CDH4: variants seen among roughly 807,000 people sequenced by gnomAD.
CDH4 encodes the protein cadherin-4.
In CDH4, 33 loss-of-function variants were observed where a neutral mutation model predicts 86.0. The ratio of observed to expected loss-of-function variants is 0.38; its 90% CI spans 0.29 to 0.51. The LOEUF (loss-of-function observed/expected upper bound fraction) is 0.51. CDH4 is among the 20% of genes least tolerant of loss of function. The probability of loss-of-function intolerance (pLI) is 0.86; values close to 1 mark genes in which losing one functional copy is unlikely to be tolerated. For synonymous variants in CDH4, 555 were observed against 549.4 expected, an observed-to-expected ratio of 1.01 and a Z score of -0.14; for missense variants, 1,114 against 1,307.4, an observed-to-expected ratio of 0.85 and a Z score of 2.28.
chr20:61,394,425 C>T (rs2085004110), intron 2 of CDH4, among the ~76,000 whole-genome samples: 1 of 152,186 alleles, frequency 6.6e-6, no homozygotes, highest in Non-Finnish European at 1.5e-5. Flanking sequence ...TCGGTTGTTC[C>T]CATCTTCCTG....
chr20:61,602,767 C>T (rs1020801933), intron 2 of CDH4, among the ~76,000 whole-genome samples: 25 of 151,280 alleles, frequency 1.7e-4, no homozygotes, highest in Admixed American at 7.2e-4. Flanking sequence ...CAGGCCAGCA[C>T]CAACATCATG....
At chr20:61,680,379 G>C (rs546621974) in intron 2 of CDH4, among the ~76,000 whole-genome samples, 37 of 152,288 alleles carry the variant, frequency 2.4e-4, no homozygotes, top group African/African-American at 8.2e-4. Context: ...GGTGGCTCCT[G>C]CCTCCGTGAC....
In CDH4 at chr20:61,582,151, C is replaced by T. The variant is rs916106061; in HGVS notation, c.170-161412C>T. ...ATGCTGCCCATGCCTTGTGTGTGCA[C>T]GGAGACTTTCCTGTCCACCTGCCCC... On this transcript the variant is annotated intron_variant, in intron 2 of 15. Transcript: ENST00000614565. The surrounding 1 kb of genome is among the most constrained non-coding windows in gnomAD (Gnocchi z 4.2). Among the ~76,000 whole-genome samples the T allele has an allele frequency of 6.6e-6, 1 of 152,232 alleles. No individual in the cohort carries two copies. The highest frequency in any genetic ancestry group is 1.5e-5 in the Non-Finnish European group (1 of 68,028).
chr20:61,307,259 G>A (rs756321120), intron 2 of CDH4, among the ~76,000 whole-genome samples: 29 of 151,714 alleles, frequency 1.9e-4, no homozygotes, highest in Non-Finnish European at 2.9e-5. Flanking sequence ...GTATCATTAG[G>A]CACTCAGCAC....
chr20:61,711,763 T>G (rs112634022), intron 2 of CDH4, among the ~76,000 whole-genome samples: 3,459 of 152,210 alleles, frequency 0.023, 123 homozygotes, highest in African/African-American at 0.078. Context: ...ACCTACTGGC[T>G]TGGGTAGCAC....
intron 4 of CDH4, among the ~76,000 whole-genome samples, chr20:61,777,147 ACTT>A (rs34091013): frequency 0.24 from 37,020 of 151,878 alleles, 5,499 homozygotes; most frequent in East Asian, 0.36. Context: ...TCACCTACTT[ACTT>A]CTTCTCTAAG....
intron 2 of CDH4, among the ~76,000 whole-genome samples, chr20:61,349,011 A>G (rs62201877): frequency 0.2 from 30,200 of 152,204 alleles, 3,005 homozygotes; most frequent in Middle Eastern, 0.35. Flanking sequence ...TGGGAGGGCC[A>G]CATTGTGCCG....
At chr20:61,664,427 CCA>C (rs1307252770) in intron 2 of CDH4, among the ~76,000 whole-genome samples, 7 of 152,198 alleles carry the variant, frequency 4.6e-5, no homozygotes, top group Non-Finnish European at 7.3e-5. Context: ...GAGCTGGTCC[CCA>C]CTCCTGTGTG....
At chr20:61,615,938 C>T (rs1007815103) in intron 2 of CDH4, among the ~76,000 whole-genome samples, 7 of 152,206 alleles carry the variant, frequency 4.6e-5, no homozygotes, top group Non-Finnish European at 1.0e-4. Context: ...AGCCCTGTCT[C>T]CTGTCTGAGA....
At position 61,281,190 on chromosome 20, in the gene CDH4, A is replaced by T. The variant is rs1453198914; in HGVS notation, c.169+26253A>T. Among the ~76,000 whole-genome samples the T allele has an allele frequency of 5.3e-5, 8 of 152,160 alleles. No individual in the cohort carries two copies. In the South Asian group the frequency reaches 8.3e-4, roughly 16 times the overall value. ...GCCTGGGAGGCTCCAGCGGGTTCTC[A>T]CCAAGGGCCGTGGTCTCAATGTTGG... On this transcript the variant is annotated intron_variant, in intron 2 of 15. Transcript: ENST00000614565.
At chr20:61,287,530 T>A (rs1490335880) in intron 2 of CDH4, among the ~76,000 whole-genome samples, 1 of 152,138 alleles carries the variant, frequency 6.6e-6, no homozygotes, top group Non-Finnish European at 1.5e-5. Flanking sequence ...GCCCTATTCA[T>A]TTTCTACAGT....
intron 2 of CDH4, among the ~76,000 whole-genome samples, chr20:61,723,961 T>G (rs2088077490): frequency 8.8e-6 from 1 of 113,032 alleles, no homozygotes; most frequent in Non-Finnish European, 1.8e-5. Flanking sequence ...GGGCACAGGA[T>G]GGAGGCTCCA....
rs1412892876 is a variant in CDH4, at chr20:61,252,524, G to A, written c.11G>A (p.Gly4Asp). The change falls in exon 1 of 16, where the codon GGC (glycine) becomes GAC (aspartate). Residue 4 changes from glycine (G) to aspartate (D), a missense_variant. Transcript: ENST00000614565. The surrounding 1 kb of genome is among the most constrained non-coding windows in gnomAD (Gnocchi z 4.4). ...CGGGCGGCGGGGAAGATGACCGCGGGCGCCGGCGTGCTCCTTCTGCTGCTC... is the reference window on the plus strand; with the variant it reads ...CGGGCGGCGGGGAAGATGACCGCGGACGCCGGCGTGCTCCTTCTGCTGCTC... The part of the protein sequence containing the change: MTA[G>D]AGVLLLLLSL... 2.5e-6 allele frequency: 3 copies of A among 1,193,982 alleles called. No individual in the cohort carries two copies. The highest frequency in any genetic ancestry group is 4.2e-5 in the South Asian group (1 of 24,088). The allele number at this position is 1,193,982 out of a possible 1,614,324, so 74.0% of individuals were successfully genotyped here.
At chr20:61,604,404 G>C (rs1019521902) in intron 2 of CDH4, among the ~76,000 whole-genome samples, 4 of 152,218 alleles carry the variant, frequency 2.6e-5, no homozygotes, top group Admixed American at 2.6e-4. Context: ...ATAATTGCAA[G>C]AAAAGCACAG....
intron 2 of CDH4, among the ~76,000 whole-genome samples, chr20:61,656,947 G>A (rs907172595): frequency 2.6e-5 from 4 of 152,146 alleles, no homozygotes; most frequent in Non-Finnish European, 5.9e-5. Flanking sequence ...GCCCAGAAAC[G>A]CCCACCTGGG....
At chr20:61,870,919 G>C (rs1035530867) in intron 6 of CDH4, among the ~76,000 whole-genome samples, 13 of 152,082 alleles carry the variant, frequency 8.5e-5, no homozygotes, top group African/African-American at 2.7e-4. Flanking sequence ...CTGGTGTTTC[G>C]GTAAGCAGCT....
intron 2 of CDH4, among the ~76,000 whole-genome samples, chr20:61,400,769 G>A (rs990883275): frequency 3.9e-5 from 6 of 152,272 alleles, no homozygotes; most frequent in South Asian, 2.1e-4. Flanking sequence ...AGAGGGCTTC[G>A]GGGCCGGCCT....
chr20:61,625,976 A>G (rs2086826567), intron 2 of CDH4, among the ~76,000 whole-genome samples: 1 of 152,258 alleles, frequency 6.6e-6, no homozygotes, highest in Admixed American at 6.5e-5. Flanking sequence ...CCAGCTAGGA[A>G]GTGCTGCACC....
At chr20:61,412,892 CG>C (rs2085126561) in intron 2 of CDH4, among the ~76,000 whole-genome samples, 1 of 152,296 alleles carries the variant, frequency 6.6e-6, no homozygotes, top group African/African-American at 2.4e-5. Flanking sequence ...GCCCTGGGAA[CG>C]GGAAGAGTGT....
Sources: allele counts gnomAD v4.1 joint callset (sites outside exome capture counted in the v4.1 genomes callset), GRCh38; gene constraint gnomAD v4.1.1; non-coding constraint Gnocchi (gnomAD v3.1); transcripts MANE v1.5; gene names NCBI Gene and HGNC (gene_info 2026-07-23, HGNC 2026-07-21).